Variants in MPRIP observed in about 807,000 individuals in gnomAD.
MPRIP encodes myosin phosphatase Rho interacting protein.
In MPRIP, 59 loss-of-function variants were observed where a neutral mutation model predicts 234.9. The observed-to-expected ratio is 0.25, with a 90% confidence interval of 0.20 to 0.31. The LOEUF (loss-of-function observed/expected upper bound fraction) is 0.31, where lower values mean the gene tolerates loss of function less well. MPRIP is among the 10% of genes least tolerant of loss of function. The probability of loss-of-function intolerance (pLI) is 1.00; values close to 1 mark genes in which losing one functional copy is unlikely to be tolerated. For synonymous variants in MPRIP, 1,144 were observed against 1,263.9 expected, an observed-to-expected ratio of 0.91 and a Z score of 2.01; for missense variants, 2,436 against 3,071.0, an observed-to-expected ratio of 0.79 and a Z score of 4.89.
intron 16 of MPRIP, chr17:17,171,055 A>T (rs1000560911): frequency 2.6e-5 from 4 of 152,152 alleles, no homozygotes; most frequent in African/African-American, 9.7e-5. Flanking sequence ...AAGGAAGGGG[A>T]GCCTGTAGCC....
chr17:17,183,588 C>G (rs907034708), intron 23 of MPRIP, among the ~76,000 whole-genome samples: 4 of 152,220 alleles, frequency 2.6e-5, no homozygotes, highest in African/African-American at 9.6e-5. Flanking sequence ...TTTATTTACA[C>G]AGACACATAG....
rs569713155 is a variant in MPRIP at position 17,167,846 on chromosome 17, A to G, written c.6255A>G (p.Gly2085=). 796 of 1,304,152 alleles carry G rather than the reference A, an allele frequency of 6.1e-4. 1 individual carries two copies. Among genetic ancestry groups the G allele is most frequent in the Middle Eastern group, 8.5e-4 (4 of 4,720 alleles). The allele number at this position is 1,304,152 out of a possible 1,614,324, so 80.8% of individuals were successfully genotyped here. The part of the protein sequence containing the change: ...AQMDVMREEL[G]HKDLEGDAAT... ...TGGATGTCATGCGGGAGGAGCTGGG[A>G]CACAAGGACCTGGAGGGCGACGCGG... Residue 2085 remains glycine, a synonymous_variant, in exon 16 of 24, where the codon GGA becomes GGG. Transcript: ENST00000651222. This position sits in a 1 kb window ranked among gnomAD's most constrained non-coding sequence, Gnocchi z 5.9.
intron 16 of MPRIP, chr17:17,169,936 G>T (rs1420227641): frequency 1.3e-5 from 2 of 151,884 alleles, no homozygotes; most frequent in African/African-American, 4.8e-5. Context: ...AAGCAACTAG[G>T]TCTTTAAAGA....
chr17:17,071,574 A>G (rs1002090578), intron 1 of MPRIP, among the ~76,000 whole-genome samples: 2 of 152,230 alleles, frequency 1.3e-5, no homozygotes, highest in African/African-American at 4.8e-5. Context: ...TCCAGGAAGC[A>G]GAAGTTTCAA....
intron 3 of MPRIP, among the ~76,000 whole-genome samples, chr17:17,089,685 G>A (rs927550054): frequency 6.6e-6 from 1 of 152,104 alleles, no homozygotes; most frequent in African/African-American, 2.4e-5. Flanking sequence ...GGTGTGAGGT[G>A]TAGGCGTGAG....
At chr17:17,075,816 A>G in intron 2 of MPRIP, 29 bp downstream of exon 2, 1 of 1,608,394 alleles carries the variant, frequency 6.2e-7, no homozygotes, top group African/African-American at 1.3e-5. Context: ...ACTCTCAGGG[A>G]GGAACCAGAG....
At position 17,189,777 on chromosome 17, in the gene MPRIP, T is replaced by C. The variant is rs185099292; in HGVS notation, c.*4883T>C. The C allele has an allele frequency of 2.0e-5, 3 of 152,366 alleles. No individual in the cohort carries two copies. Among genetic ancestry groups the C allele is most frequent in the African/African-American group, 7.2e-5 (3 of 41,596 alleles). The allele number at this position is 152,366 out of a possible 1,614,324, so 9.4% of individuals were successfully genotyped here. On this transcript the variant is annotated 3_prime_UTR_variant, in exon 24 of 24. Coordinates refer to ENST00000651222, the MANE Select transcript of MPRIP (RefSeq NM_001364716.4). ...GTTGTAACTTGCCCTAAGGTCCCTG[T>C]TGGAGCACTAAGAGGTGACACAGGC...
At chr17:17,056,680 T>C (rs898232211) in intron 1 of MPRIP, among the ~76,000 whole-genome samples, 1 of 152,126 alleles carries the variant, frequency 6.6e-6, no homozygotes, top group South Asian at 2.1e-4. Flanking sequence ...ACAATTCCAT[T>C]GCATTTAGCC....
intron 1 of MPRIP, among the ~76,000 whole-genome samples, chr17:17,069,294 CT>C (rs981214210): frequency 2.0e-5 from 3 of 152,020 alleles, no homozygotes; most frequent in African/African-American, 7.2e-5. Context: ...TTAGTTTTTT[CT>C]TTTCAACCTG....
chr17:17,151,108 C>T (rs1410711026), intron 12 of MPRIP, among the ~76,000 whole-genome samples: 1 of 151,800 alleles, frequency 6.6e-6, no homozygotes, highest in Admixed American at 6.6e-5. Context: ...TGGGCTCCAG[C>T]GATCCACTTG....
chr17:17,169,060 G>C, intron 16 of MPRIP: 1 of 448,358 alleles, frequency 2.2e-6, no homozygotes, highest in Non-Finnish European at 4.5e-6. Context: ...AGCACCTCAG[G>C]AGAACTGAGA....
At chr17:17,159,330 G>A (rs1031235633) in intron 14 of MPRIP, among the ~76,000 whole-genome samples, 3 of 152,266 alleles carry the variant, frequency 2.0e-5, no homozygotes, top group Non-Finnish European at 4.4e-5. Context: ...GGCAGGAGGG[G>A]CGCGAGCAGG....
chr17:17,081,479 A>C (rs2089461407), intron 3 of MPRIP, among the ~76,000 whole-genome samples: 1 of 152,032 alleles, frequency 6.6e-6, no homozygotes, highest in African/African-American at 2.4e-5. Context: ...TTAGCAATGT[A>C]GTGACCTTTA....
At chr17:17,072,717 G>GGT (rs966506205) in intron 1 of MPRIP, among the ~76,000 whole-genome samples, 3 of 152,080 alleles carry the variant, frequency 2.0e-5, no homozygotes, top group Non-Finnish European at 2.9e-5. Context: ...CAAGAGTGGT[G>GGT]GTGATATAGC....
intron 3 of MPRIP, among the ~76,000 whole-genome samples, chr17:17,112,503 G>C (rs1297866347): frequency 3.3e-5 from 5 of 152,192 alleles, no homozygotes; most frequent in Non-Finnish European, 7.3e-5. Flanking sequence ...TGGTGGCCCT[G>C]CCCCGCAGCC....
chr17:17,142,748 G>A lies in MPRIP; in HGVS notation c.1372G>A (p.Ala458Thr), dbSNP rs747881775. 2.5e-6 allele frequency: 4 copies of A among 1,612,450 alleles called. No individual in the cohort carries two copies. Among genetic ancestry groups the A allele is most frequent in the South Asian group, 2.2e-5 (2 of 91,032 alleles). Residue 458 changes from alanine (A) to threonine (T), a missense_variant, in exon 8 of 24, where the codon GCG becomes ACG. Physicochemically the swap from Ala to Thr is moderately conservative, Grantham distance 58 (BLOSUM62 0). Transcript: ENST00000651222. ...ACGCCAGGGCCGCAGCGAGAAGAGG[G>A]CGTTCCCTAGGAAGCGGGTGAGCTC... ...DTRQGRSEKR[A>T]FPRKRDFTNE...
At chr17:17,153,109 C>G (rs1388164507) in intron 12 of MPRIP, among the ~76,000 whole-genome samples, 2 of 152,180 alleles carry the variant, frequency 1.3e-5, no homozygotes, top group Admixed American at 6.5e-5. Context: ...TGGTACCCCC[C>G]CAACTCAGCT....
At chr17:17,168,092 G>A (rs893181600) in intron 16 of MPRIP, 177 bp downstream of exon 16, 9 of 449,992 alleles carry the variant, frequency 2.0e-5, no homozygotes, top group Admixed American at 3.8e-5. Context: ...CCTCTTGTTC[G>A]GCATCCCCCA....
At chr17:17,103,155 C>G (rs892596175) in intron 3 of MPRIP, among the ~76,000 whole-genome samples, 1 of 152,242 alleles carries the variant, frequency 6.6e-6, no homozygotes, top group Non-Finnish European at 1.5e-5. Flanking sequence ...CCAGGCAGTT[C>G]AGGCAGCCAC....
Sources: gnomAD v4.1 joint callset for allele counts (sites outside exome capture counted in the v4.1 genomes callset) on GRCh38, gnomAD v4.1.1 for gene constraint, Gnocchi (gnomAD v3.1) non-coding constraint, MANE v1.5 for transcripts, NCBI Gene and HGNC (gene_info 2026-07-23, HGNC 2026-07-21) for gene names.